Variants in SPACA7 observed in about 807,000 individuals in gnomAD.
SPACA7 encodes sperm acrosome-associated protein 7.
Under a neutral mutation model 26.3 loss-of-function variants are expected in SPACA7, and 19 were observed. The observed-to-expected ratio is 0.72, with a 90% CI of 0.50 to 1.06. The LOEUF (loss-of-function observed/expected upper bound fraction) is 1.06. Ranked by LOEUF, SPACA7 falls within the 50% of genes least tolerant of loss-of-function variation. The pLI, the probability that SPACA7 is intolerant of heterozygous loss-of-function variation, is 0.00. For synonymous variants in SPACA7, 84 were observed against 84.5 expected (o/e 0.99, Z 0.04); for missense variants, 211 against 229.9 (o/e 0.92, Z 0.53).
intron 1 of SPACA7, among the ~76,000 whole-genome samples, chr13:112,386,498 T>G (rs1884535678): frequency 6.6e-6 from 1 of 152,126 alleles, no homozygotes; most frequent in Admixed American, 6.5e-5. Context: ...TTGTTTGTTT[T>G]TTGGTGTTTG....
In SPACA7 at chr13:112,415,872, G is replaced by A. The variant is rs564350066; in HGVS notation, c.445+14708G>A. Among the ~76,000 whole-genome samples the A allele has an allele frequency of 4.6e-5, 7 of 152,248 alleles. No homozygotes were observed. The South Asian group carries it at 1.2e-3, about 27-fold the overall frequency. ...GGCAGCGATTCTCCTCTGGCCTGGG[G>A]TGGGTCTAAATGCTCCCTCTGTGGG... is the stretch of plus-strand genomic sequence containing the variant. On this transcript the variant is annotated intron_variant, in intron 5 of 6. Coordinates refer to ENST00000283550, the MANE Select transcript of SPACA7 (RefSeq NM_145248.5).
chr13:112,379,365 G>A (rs1883897953), intron 1 of SPACA7, among the ~76,000 whole-genome samples: 1 of 152,162 alleles, frequency 6.6e-6, no homozygotes, highest in African/African-American at 2.4e-5. Context: ...AAGCATCAGA[G>A]TAAAACAATA....
chr13:112,402,187 C>G (rs1047826737), intron 5 of SPACA7, among the ~76,000 whole-genome samples: 65 of 152,226 alleles, frequency 4.3e-4, no homozygotes, highest in African/African-American at 1.5e-3. Flanking sequence ...TAATGTCTTT[C>G]TGTTTGTTCA....
intron 5 of SPACA7, among the ~76,000 whole-genome samples, chr13:112,404,858 C>A (rs1398354807): frequency 6.6e-6 from 1 of 151,974 alleles, no homozygotes; most frequent in Non-Finnish European, 1.5e-5. Context: ...TGTGATGCCT[C>A]CAGATTTGTT....
chr13:112,386,639 A>G (rs1884545360), intron 1 of SPACA7, among the ~76,000 whole-genome samples: 1 of 152,180 alleles, frequency 6.6e-6, no homozygotes, highest in African/African-American at 2.4e-5. Flanking sequence ...CAAATAGTAC[A>G]GTTGACTGAG....
intron 5 of SPACA7, among the ~76,000 whole-genome samples, chr13:112,416,942 C>A (rs1435401732): frequency 6.6e-6 from 1 of 151,854 alleles, no homozygotes; most frequent in Non-Finnish European, 1.5e-5. Context: ...ACACACAAAT[C>A]TTTAGACTCT....
chr13:112,434,400 C>T (rs1023300393), intron 6 of SPACA7, 85 bp from the exon 7 acceptor site: 21 of 1,157,238 alleles, frequency 1.8e-5, no homozygotes, highest in Non-Finnish European at 2.5e-5. Flanking sequence ...TTCCTCCTGT[C>T]CCCTGGTGTC....
At chr13:112,393,130 G>A (rs998252890) in intron 2 of SPACA7, 53 bp downstream of exon 2, 1 of 1,449,008 alleles carries the variant, frequency 6.9e-7, no homozygotes, top group African/African-American at 1.4e-5. Flanking sequence ...AGGGCTGGAT[G>A]GTTGTCTGTG....
At chr13:112,396,541 A>C (rs1027995256) in intron 2 of SPACA7, among the ~76,000 whole-genome samples, 1 of 152,146 alleles carries the variant, frequency 6.6e-6, no homozygotes, top group Non-Finnish European at 1.5e-5. Context: ...TTGGCCCCCC[A>C]GTGCCTGTGC....
chr13:112,378,163 A>T (rs1453611236), intron 1 of SPACA7, among the ~76,000 whole-genome samples: 1 of 152,158 alleles, frequency 6.6e-6, no homozygotes, highest in Non-Finnish European at 1.5e-5. Context: ...CCCAGTCAGG[A>T]GGGCAGAAGA....
Position 112,415,759 on chromosome 13 carries a change from C to T in SPACA7, c.445+14595C>T, listed in dbSNP as rs141134751. Among the ~76,000 whole-genome samples, 201 of 152,262 alleles carry T rather than the reference C, an allele frequency of 1.3e-3. 2 individuals carry two copies. The highest frequency in any genetic ancestry group is 4.2e-3 in the African/African-American group (176 of 41,552). On this transcript the variant is annotated intron_variant, in intron 5 of 6. Coordinates refer to ENST00000283550, the MANE Select transcript of SPACA7 (RefSeq NM_145248.5). ...CACCCAAGGACTGTGGTCACTATAG[C>T]CCTGCTGACACTGAAATTTATTTGG...
At chr13:112,421,663 T>C (rs1022297452) in intron 5 of SPACA7, among the ~76,000 whole-genome samples, 1 of 152,206 alleles carries the variant, frequency 6.6e-6, no homozygotes, top group Non-Finnish European at 1.5e-5. Flanking sequence ...TGCATGTGTC[T>C]GTTCATTGCA....
chr13:112,411,782 G>C lies in SPACA7; in HGVS notation c.445+10618G>C, dbSNP rs1231936486. ...GACAGGATTTTGGTTTTTTATGACT[G>C]AATAGTATTCCATTAGTATTCCATG... On this transcript the variant is annotated intron_variant, in intron 5 of 6. Coordinates refer to ENST00000283550, the MANE Select transcript of SPACA7 (RefSeq NM_145248.5). Among the ~76,000 whole-genome samples, 7 of 152,038 alleles carry C rather than the reference G, an allele frequency of 4.6e-5. No individual in the cohort carries two copies. The South Asian group carries it at 1.2e-3, about 27-fold the overall frequency.
chr13:112,420,920 T>C (rs1306909533), intron 5 of SPACA7, among the ~76,000 whole-genome samples: 1 of 152,160 alleles, frequency 6.6e-6, no homozygotes, highest in African/African-American at 2.4e-5. Flanking sequence ...GACAGTGGAA[T>C]GACATCTTTA....
At chr13:112,427,673 G>A (rs1420649996) in intron 5 of SPACA7, among the ~76,000 whole-genome samples, 1 of 152,090 alleles carries the variant, frequency 6.6e-6, no homozygotes, top group Admixed American at 6.6e-5. Context: ...AGACATCTGG[G>A]CCTATATTTT....
chr13:112,433,828 C>T (rs1284788845), intron 6 of SPACA7, among the ~76,000 whole-genome samples: 2 of 152,158 alleles, frequency 1.3e-5, no homozygotes, highest in African/African-American at 2.4e-5. Context: ...AGTGAGCGGT[C>T]GTTCAAGCTA....
At chr13:112,425,956 G>A (rs1876496758) in intron 5 of SPACA7, among the ~76,000 whole-genome samples, 1 of 152,174 alleles carries the variant, frequency 6.6e-6, no homozygotes, top group Non-Finnish European at 1.5e-5. Context: ...ACAAACAGTA[G>A]CCCCATGCAG....
intron 2 of SPACA7, among the ~76,000 whole-genome samples, chr13:112,395,734 C>T (rs1195290539): frequency 7.9e-5 from 12 of 152,218 alleles, no homozygotes; most frequent in South Asian, 4.1e-4. Flanking sequence ...CCTCCCAGTG[C>T]GCTGGGATTA....
chr13:112,428,463 C>T (rs1876751537), intron 5 of SPACA7, among the ~76,000 whole-genome samples: 3 of 152,036 alleles, frequency 2.0e-5, no homozygotes, highest in Admixed American at 6.6e-5. Flanking sequence ...ACCAGTAATC[C>T]CAGCTACATG....
Sources: gnomAD v4.1 joint callset for allele counts (sites outside exome capture counted in the v4.1 genomes callset) on GRCh38, gnomAD v4.1.1 for gene constraint, MANE v1.5 for transcripts, NCBI Gene and HGNC (gene_info 2026-07-23, HGNC 2026-07-21) for gene names.